GCSAML: variants seen among roughly 807,000 people sequenced by gnomAD.
GCSAML encodes germinal center-associated signaling and motility-like protein.
A neutral mutation model predicts 13.0 loss-of-function variants in GCSAML; 9 were observed. That is an observed-to-expected ratio of 0.69 (90% CI 0.42 to 1.21). The LOEUF is 1.21. Among genes scored for constraint, GCSAML ranks in the 50% most tolerant of loss-of-function variants. GCSAML has a pLI of 0.00. For missense variants in GCSAML, 143 were observed against 153.4 expected (o/e 0.93, Z 0.36); for synonymous variants, 37 against 52.9 (o/e 0.70, Z 1.31).
intron 1 of GCSAML, among the ~76,000 whole-genome samples, chr1:247,552,987 C>T (rs1667829504): frequency 6.6e-6 from 1 of 152,168 alleles, no homozygotes; most frequent in Non-Finnish European, 1.5e-5. Flanking sequence ...AACTCCTGAC[C>T]TTGTGATCTA....
chr1:247,513,781 T>C (rs1364731368), intron 1 of GCSAML, among the ~76,000 whole-genome samples: 1 of 152,116 alleles, frequency 6.6e-6, no homozygotes, highest in African/African-American at 2.4e-5. Flanking sequence ...CCCTGACCCT[T>C]TGCGCTTCCT....
chr1:247,561,645 A>G (rs1668131882), intron 2 of GCSAML, among the ~76,000 whole-genome samples: 1 of 152,074 alleles, frequency 6.6e-6, no homozygotes, highest in African/African-American at 2.4e-5. Flanking sequence ...TCCATTTATT[A>G]TTGTTAATAA....
At chr1:247,552,841 C>A (rs1558253245) in intron 1 of GCSAML, among the ~76,000 whole-genome samples, 58 of 151,876 alleles carry the variant, frequency 3.8e-4, no homozygotes, top group African/African-American at 1.3e-3. Context: ...CTGCAACCTC[C>A]ACCTTCCAGG....
chr1:247,551,625 T>G (rs1667780372), intron 1 of GCSAML, among the ~76,000 whole-genome samples: 1 of 152,160 alleles, frequency 6.6e-6, no homozygotes, highest in Non-Finnish European at 1.5e-5. Context: ...TCCCCTTTGC[T>G]CCCTGAAGGT....
At chr1:247,550,432 T>A (rs1166850285) in intron 1 of GCSAML, among the ~76,000 whole-genome samples, 2 of 152,086 alleles carry the variant, frequency 1.3e-5, no homozygotes, top group Non-Finnish European at 2.9e-5. Flanking sequence ...GGTCAGGAGA[T>A]CGAGACCATT....
At chr1:247,547,878 T>C (rs1025729702), upstream of GCSAML, among the ~76,000 whole-genome samples, 1 of 152,186 alleles carries the variant, frequency 6.6e-6, no homozygotes, top group African/African-American at 2.4e-5. Flanking sequence ...AAGCAGCACT[T>C]TGGTACATAG....
At position 247,577,130 on chromosome 1, in the gene GCSAML, G is replaced by A. The variant is rs1225029973; in HGVS notation, c.*2748G>A. The A allele has an allele frequency of 6.6e-6, 1 of 152,158 alleles. No homozygotes were observed. The highest frequency in any genetic ancestry group is 1.9e-4 in the East Asian group (1 of 5,198). The allele number at this position is 152,158 out of a possible 1,614,324, so 9.4% of individuals were successfully genotyped here. ...GGTTATGAAGAACAATAGAATCATT[G>A]CTGTATAAGTGCTTTTTAACCTGTA... On this transcript the variant is annotated 3_prime_UTR_variant, in exon 5 of 5. Coordinates refer to ENST00000366488, the MANE Select transcript of GCSAML (RefSeq NM_145278.5).
intron 2 of GCSAML, chr1:247,536,477 T>G (rs1667222851): frequency 6.6e-6 from 1 of 151,942 alleles, no homozygotes; most frequent in African/African-American, 2.4e-5. Flanking sequence ...ATCAAAGGAG[T>G]GAGAATGGCT....
At chr1:247,545,963 GA>G (rs578058710), upstream of GCSAML, among the ~76,000 whole-genome samples, 104 of 151,568 alleles carry the variant, frequency 6.9e-4, 1 homozygote, top group African/African-American at 2.4e-3. Context: ...AAAGAAAAAA[GA>G]AAAAATCACG....
rs1668859035 is a variant in GCSAML, at chr1:247,576,873, A to G, written c.*2491A>G. ...TCTGCCTTTGTAGCTGTTTTATGAT[A>G]TAAATACCTTATTTGTAATAAAATT... On this transcript the variant is annotated 3_prime_UTR_variant, in exon 5 of 5. Transcript: ENST00000366488. The G allele has an allele frequency of 6.6e-6, 1 of 152,246 alleles. No homozygotes were observed. Among genetic ancestry groups the G allele is most frequent in the African/African-American group, 2.4e-5 (1 of 41,464 alleles). The allele number at this position is 152,246 out of a possible 1,614,324, so 9.4% of individuals were successfully genotyped here.
rs1315551673 is a variant in GCSAML, at chr1:247,576,117, A to G, written c.*1735A>G. 2 of 152,194 alleles carry G rather than the reference A, an allele frequency of 1.3e-5. No individual in the cohort carries two copies. The highest frequency in any genetic ancestry group is 4.1e-4 in the South Asian group (2 of 4,832). The allele number at this position is 152,194 out of a possible 1,614,324, so 9.4% of individuals were successfully genotyped here. ...TAATCATAAAATTCACTTATGTTTGATATACACCTTATCTGAATAGCCTGA... is the reference window on the plus strand; with the variant it reads ...TAATCATAAAATTCACTTATGTTTGGTATACACCTTATCTGAATAGCCTGA... On this transcript the variant is annotated 3_prime_UTR_variant, in exon 5 of 5. Transcript: ENST00000366488.
intron 2 of GCSAML, among the ~76,000 whole-genome samples, chr1:247,534,179 T>C (rs1667124027): frequency 6.6e-6 from 1 of 152,208 alleles, no homozygotes; most frequent in Non-Finnish European, 1.5e-5. Context: ...TAAACTACTC[T>C]TATTTCTTTT....
At chr1:247,524,304 C>G (rs959003131) in intron 1 of GCSAML, among the ~76,000 whole-genome samples, 1 of 152,202 alleles carries the variant, frequency 6.6e-6, no homozygotes, top group Non-Finnish European at 1.5e-5. Context: ...AGCCTTTCTA[C>G]ACATGTAGCC....
chr1:247,574,722 C>A lies in GCSAML; in HGVS notation c.*340C>A. 4.1e-6 allele frequency: 1 copy of A among 244,038 alleles called. No homozygotes were observed. The highest frequency in any genetic ancestry group is 8.0e-6 in the Non-Finnish European group (1 of 125,316). The allele number at this position is 244,038 out of a possible 1,614,324, so 15.1% of individuals were successfully genotyped here. A position where few individuals can be genotyped will look rare whatever the true frequency, so the allele number is the denominator to read the frequency against. ...CTAACTGAATGGACCCTCTTCTAGGCCAAAGAGACCTCAGATGAACCTGAA... is the reference window on the plus strand; with the variant it reads ...CTAACTGAATGGACCCTCTTCTAGGACAAAGAGACCTCAGATGAACCTGAA... On this transcript the variant is annotated 3_prime_UTR_variant, in exon 5 of 5. Transcript: ENST00000366488.
At chr1:247,559,770 T>G (rs1179255170) in intron 2 of GCSAML, among the ~76,000 whole-genome samples, 1 of 152,200 alleles carries the variant, frequency 6.6e-6, no homozygotes, top group Non-Finnish European at 1.5e-5. Context: ...TGTCTTTGGC[T>G]TGTAGATGAC....
At chr1:247,563,532 G>C in intron 2 of GCSAML, 58 bp from the exon 3 acceptor site, 1 of 991,762 alleles carries the variant, frequency 1.0e-6, no homozygotes, top group South Asian at 1.5e-5. Context: ...TTTTTTGAAA[G>C]GCATTTTCAG....
chr1:247,519,250 G>A (rs748751628), intron 1 of GCSAML: 1 of 152,226 alleles, frequency 6.6e-6, no homozygotes, highest in African/African-American at 2.4e-5. Context: ...CTGGTGGAAA[G>A]ATAGATGCTG....
chr1:247,520,401 T>C (rs1166403355), intron 1 of GCSAML, among the ~76,000 whole-genome samples: 1 of 152,186 alleles, frequency 6.6e-6, no homozygotes, highest in East Asian at 1.9e-4. Context: ...AGTTCTTACA[T>C]CTGCTTTCAA....
intron 2 of GCSAML, chr1:247,530,294 G>T (rs1243422232): frequency 6.6e-6 from 1 of 152,178 alleles, no homozygotes; most frequent in East Asian, 1.9e-4. Flanking sequence ...CTAGTGATAG[G>T]TTACTCTATT....
Sources: gnomAD v4.1 joint callset for allele counts (sites outside exome capture counted in the v4.1 genomes callset) on GRCh38, gnomAD v4.1.1 for gene constraint, MANE v1.5 for transcripts, NCBI Gene and HGNC (gene_info 2026-07-23, HGNC 2026-07-21) for gene names.